The following WWOX variants were observed in gnomAD, a reference collection of about 807,000 sequenced individuals.
The protein encoded by WWOX is WW domain-containing oxidoreductase.
A neutral mutation model predicts 46.2 loss-of-function variants in WWOX; 69 were observed. The ratio of observed to expected loss-of-function variants is 1.49; its 90% confidence interval spans 1.23 to 1.82. The LOEUF is 1.82. Among genes scored for constraint, WWOX ranks in the 40% most tolerant of loss-of-function variants. The pLI, the probability that WWOX is intolerant of heterozygous loss-of-function variation, is 0.00. For missense variants in WWOX, 919 were observed against 542.6 expected (o/e 1.69, Z -6.89); for synonymous variants, 359 against 202.6 (o/e 1.77, Z -6.56).
At chr16:78,940,163 A>G (rs1419936561) in intron 8 of WWOX, among the ~76,000 whole-genome samples, 1 of 152,176 alleles carries the variant, frequency 6.6e-6, no homozygotes, top group Non-Finnish European at 1.5e-5. Context: ...AGGCAAATGT[A>G]TGCAGATTCT....
intron 8 of WWOX, among the ~76,000 whole-genome samples, chr16:79,076,745 T>A (rs2048664761): frequency 6.6e-6 from 1 of 152,236 alleles, no homozygotes; most frequent in South Asian, 2.1e-4. Flanking sequence ...ATTGGTAACA[T>A]CTTCTTGCTC....
At chr16:79,017,644 T>C (rs2047445158) in intron 8 of WWOX, among the ~76,000 whole-genome samples, 1 of 152,054 alleles carries the variant, frequency 6.6e-6, no homozygotes, top group Non-Finnish European at 1.5e-5. Context: ...CGTGTTCTGA[T>C]AAAAGTTTAT....
At chr16:78,920,921 T>A (rs2045363637) in intron 8 of WWOX, among the ~76,000 whole-genome samples, 1 of 152,222 alleles carries the variant, frequency 6.6e-6, no homozygotes, top group Non-Finnish European at 1.5e-5. Flanking sequence ...ACTTTCAAAC[T>A]GCTCTCACTG....
chr16:78,409,919 G>T (rs193157246), intron 6 of WWOX, among the ~76,000 whole-genome samples: 1 of 152,300 alleles, frequency 6.6e-6, no homozygotes, highest in Non-Finnish European at 1.5e-5. Flanking sequence ...AGATTATCTA[G>T]CATGAGCTCC....
At chr16:78,663,269 C>T (rs1185263554) in intron 8 of WWOX, among the ~76,000 whole-genome samples, 20 of 152,180 alleles carry the variant, frequency 1.3e-4, no homozygotes, top group African/African-American at 4.8e-5. Flanking sequence ...CAACTGACTT[C>T]TTTCATTTAA....
intron 8 of WWOX, among the ~76,000 whole-genome samples, chr16:79,198,589 G>T (rs1336908166): frequency 2.0e-5 from 3 of 152,196 alleles, no homozygotes; most frequent in Non-Finnish European, 4.4e-5. Context: ...ATTGACAAAT[G>T]CATTGTGAGT....
intron 8 of WWOX, among the ~76,000 whole-genome samples, chr16:78,681,867 G>A (rs1414941472): frequency 6.6e-6 from 1 of 152,316 alleles, no homozygotes; most frequent in African/African-American, 2.4e-5. Context: ...GAGCTGGTTA[G>A]AAAAACACAA....
intron 4 of WWOX, among the ~76,000 whole-genome samples, chr16:78,135,250 C>T (rs969771817): frequency 3.9e-5 from 6 of 152,156 alleles, no homozygotes; most frequent in Non-Finnish European, 7.3e-5. Context: ...TTGAAATGTA[C>T]CACGTGCCTT....
chr16:79,161,358 G>A (rs2050483041), intron 8 of WWOX, among the ~76,000 whole-genome samples: 1 of 152,054 alleles, frequency 6.6e-6, no homozygotes, highest in South Asian at 2.1e-4. Context: ...TCCCACCTAA[G>A]GTTGTTGTTA....
chr16:79,126,546 C>T (rs963797574), intron 8 of WWOX, among the ~76,000 whole-genome samples: 3 of 152,136 alleles, frequency 2.0e-5, no homozygotes, highest in South Asian at 4.1e-4. Flanking sequence ...GCTTCCCCTT[C>T]GTCTTCTGCC....
intron 8 of WWOX, among the ~76,000 whole-genome samples, chr16:79,194,005 G>A (rs1597463439): frequency 6.6e-6 from 1 of 152,178 alleles, no homozygotes; most frequent in Non-Finnish European, 1.5e-5. Context: ...CTTTGTCTCA[G>A]TTTTCTGTAA....
intron 8 of WWOX, among the ~76,000 whole-genome samples, chr16:78,819,492 A>T (rs567692975): frequency 6.6e-6 from 1 of 152,336 alleles, no homozygotes; most frequent in African/African-American, 2.4e-5. Context: ...ATTTCTGCAT[A>T]ATCCACCACT....
chr16:78,625,694 A>G (rs1308569513), intron 8 of WWOX, among the ~76,000 whole-genome samples: 2 of 150,638 alleles, frequency 1.3e-5, no homozygotes, highest in Admixed American at 6.6e-5. Context: ...TTGGTGCAAA[A>G]GTAAATGTGT....
chr16:78,706,309 C>A (rs1048118988), intron 8 of WWOX, among the ~76,000 whole-genome samples: 3 of 152,072 alleles, frequency 2.0e-5, no homozygotes, highest in African/African-American at 7.2e-5. Context: ...TTCAACACAT[C>A]TCTTATTTCT....
At chr16:78,986,178 C>T (rs556224205) in intron 8 of WWOX, among the ~76,000 whole-genome samples, 34 of 152,216 alleles carry the variant, frequency 2.2e-4, no homozygotes, top group Non-Finnish European at 3.8e-4. Context: ...CGAGATGAGT[C>T]ACACATTTAT....
At chr16:78,771,862 TCTCA>T (rs1473772045) in intron 8 of WWOX, among the ~76,000 whole-genome samples, 4 of 152,028 alleles carry the variant, frequency 2.6e-5, no homozygotes, top group Admixed American at 1.3e-4. Context: ...AGTCTAGCTC[TCTCA>T]CAAAAAAAAA....
At chr16:78,605,451 C>A (rs1395169147) in intron 8 of WWOX, among the ~76,000 whole-genome samples, 1 of 151,822 alleles carries the variant, frequency 6.6e-6, no homozygotes, top group East Asian at 1.9e-4. Context: ...GAAAGAAAGG[C>A]AAGACCACTC....
At chr16:78,299,173 TG>T (rs373279461) in intron 5 of WWOX, among the ~76,000 whole-genome samples, 12 of 152,268 alleles carry the variant, frequency 7.9e-5, no homozygotes, top group African/African-American at 2.9e-4. Flanking sequence ...GGAAAACTCT[TG>T]GCTAGAGGAT....
At chr16:79,005,837 C>T (rs1326741604) in intron 8 of WWOX, among the ~76,000 whole-genome samples, 1 of 152,072 alleles carries the variant, frequency 6.6e-6, no homozygotes, top group Non-Finnish European at 1.5e-5. Context: ...ATATGGATTC[C>T]AGAGTGACCA....
Sources: gnomAD v4.1 joint callset for allele counts (sites outside exome capture counted in the v4.1 genomes callset) on GRCh38, gnomAD v4.1.1 for gene constraint, MANE v1.5 for transcripts, NCBI Gene and HGNC (gene_info 2026-07-23, HGNC 2026-07-21) for gene names.